GSE1: variants seen among roughly 807,000 people sequenced by gnomAD.
GSE1 encodes genetic suppressor element 1.
Under a neutral mutation model 112.6 loss-of-function variants are expected in GSE1, and 32 were observed. That is an observed-to-expected ratio of 0.28 (90% CI 0.21 to 0.38). The LOEUF is 0.38. Among genes scored for constraint, GSE1 ranks in the 10% least tolerant of loss-of-function variants. The pLI is 1.00. For synonymous variants in GSE1, 1,115 were observed against 735.6 expected, an observed-to-expected ratio of 1.52 and a Z score of -8.35; for missense variants, 2,348 against 1,699.2, an observed-to-expected ratio of 1.38 and a Z score of -6.71.
intron 1 of GSE1, among the ~76,000 whole-genome samples, chr16:85,292,909 T>A (rs911406547): frequency 3.9e-5 from 6 of 152,220 alleles, no homozygotes; most frequent in African/African-American, 1.4e-4. Context: ...AATAGCTGTG[T>A]GTGCACGCAA....
chr16:85,555,433 G>A, upstream of GSE1: 3 of 982,256 alleles, frequency 3.1e-6, no homozygotes, highest in Non-Finnish European at 3.6e-6. Flanking sequence ...GGGGAGGGGA[G>A]CCGGCTCCCC....
At chr16:85,635,494 A>C (rs2049917768) in intron 2 of GSE1, among the ~76,000 whole-genome samples, 1 of 143,238 alleles carries the variant, frequency 7.0e-6, no homozygotes, top group Non-Finnish European at 1.6e-5. Flanking sequence ...TGCCTGGTGG[A>C]GGCATCCTGG....
At chr16:85,415,811 G>A (rs896659475) in intron 2 of GSE1, among the ~76,000 whole-genome samples, 2 of 152,206 alleles carry the variant, frequency 1.3e-5, no homozygotes, top group Non-Finnish European at 2.9e-5. Context: ...CCCGCTAGAA[G>A]GATTGTAGGC....
intron 2 of GSE1, among the ~76,000 whole-genome samples, chr16:85,530,382 T>C (rs1031113345): frequency 4.6e-5 from 7 of 152,224 alleles, no homozygotes; most frequent in African/African-American, 1.7e-4. Context: ...AGCTGAACTT[T>C]ACTCTCCATC....
intron 1 of GSE1, among the ~76,000 whole-genome samples, chr16:85,176,085 C>T (rs2074458185): frequency 6.6e-6 from 1 of 152,144 alleles, no homozygotes. Context: ...CCCTCCTGAG[C>T]TCAAGCAAAC....
intron 2 of GSE1, among the ~76,000 whole-genome samples, chr16:85,639,247 C>T (rs984874722): frequency 6.6e-6 from 1 of 152,230 alleles, no homozygotes; most frequent in Admixed American, 6.5e-5. Flanking sequence ...CCCGCTGTAG[C>T]CCAGACTCCT....
chr16:85,265,291 A>C lies in GSE1; in HGVS notation c.2284-92172A>C, dbSNP rs146669754. Among the ~76,000 whole-genome samples, 40 of 152,304 alleles carry C rather than the reference A, an allele frequency of 2.6e-4. No individual in the cohort carries two copies. The East Asian group carries it at 7.3e-3, about 28-fold the overall frequency. Reference sequence around the variant, plus strand: ...TCACCAATCCTGACTGCCTGCCTGCAAGCCAGTTTCATAAACGGAACAGAA... The same window carrying C: ...TCACCAATCCTGACTGCCTGCCTGCCAGCCAGTTTCATAAACGGAACAGAA... On this transcript the variant is annotated intron_variant, in intron 1 of 2. Coordinates refer to the GSE1 transcript ENST00000637419.
At chr16:85,524,776 C>T (rs910506481) in intron 2 of GSE1, among the ~76,000 whole-genome samples, 3 of 152,112 alleles carry the variant, frequency 2.0e-5, no homozygotes, top group Non-Finnish European at 4.4e-5. Flanking sequence ...CATCACATCC[C>T]GTATGGGTGG....
chr16:85,446,045 G>C (rs1305266594), intron 2 of GSE1, among the ~76,000 whole-genome samples: 5 of 152,232 alleles, frequency 3.3e-5, no homozygotes, highest in African/African-American at 7.2e-5. Flanking sequence ...TGCACACACA[G>C]TGAGCGTTCT....
At chr16:85,446,044 A>G (rs2049503068) in intron 2 of GSE1, among the ~76,000 whole-genome samples, 2 of 152,202 alleles carry the variant, frequency 1.3e-5, no homozygotes, top group Admixed American at 6.5e-5. Context: ...GTGCACACAC[A>G]GTGAGCGTTC....
intron 1 of GSE1, among the ~76,000 whole-genome samples, chr16:85,259,952 G>A (rs573077286): frequency 2.0e-5 from 3 of 152,376 alleles, no homozygotes; most frequent in Admixed American, 2.0e-4. Context: ...AGCACACAGA[G>A]GCGGGGCCCG....
rs1352279565 is a variant in GSE1 at position 85,617,592 on chromosome 16, ACCCTCCCC to A, written c.7+4198_7+4205del. Among the ~76,000 whole-genome samples the A allele has an allele frequency of 3.6e-3, 290 of 80,058 alleles. 12 individuals are homozygous for A. Among genetic ancestry groups the A allele is most frequent in the African/African-American group, 0.013 (286 of 22,032 alleles). The allele number at this position is 80,058 out of a possible 152,430, so 52.5% of individuals were successfully genotyped here. ...ATGCAGCCTGGGCATCCGTGTGTCA[ACCCTCCCC>A]CCCCCCCCCCCGTTAACTGCCACGT... On this transcript the variant is annotated intron_variant, in intron 1 of 15. Transcript: ENST00000253458.
chr16:85,202,024 G>C (rs1301811304), intron 1 of GSE1, among the ~76,000 whole-genome samples: 1 of 152,226 alleles, frequency 6.6e-6, no homozygotes, highest in Non-Finnish European at 1.5e-5. Context: ...TTGATGAAAA[G>C]GAAAACTTGA....
intron 1 of GSE1, among the ~76,000 whole-genome samples, chr16:85,206,854 GC>G (rs934669869): frequency 3.4e-5 from 2 of 58,182 alleles, no homozygotes; most frequent in African/African-American, 1.3e-4. Flanking sequence ...CCCTCCACAA[GC>G]CCCCCCAGCC....
At position 85,666,315 on chromosome 16, in the gene GSE1, A is replaced by G; in HGVS notation, c.3098A>G (p.Gln1033Arg). The G allele has an allele frequency of 6.2e-7, 1 of 1,613,878 alleles. No individual in the cohort carries two copies. The highest frequency in any genetic ancestry group is 8.5e-7 in the Non-Finnish European group (1 of 1,180,026). The change falls in exon 13 of 16, where the codon CAG becomes CGG. Residue 1033 changes from glutamine (Q) to arginine (R), a missense_variant. By Grantham distance (43) the Gln-to-Arg change is conservative. Transcript: ENST00000253458. ...FAHQFHESVL[Q>R]STQKALQKHK... The stretch of plus-strand genomic sequence containing the variant: ...CATCAGTTCCACGAGTCAGTGCTGC[A>G]GTCCACCCAGAAGGCCCTGCAGAAG...
chr16:85,482,163 G>A (rs1567524043), intron 2 of GSE1, among the ~76,000 whole-genome samples: 2 of 152,234 alleles, frequency 1.3e-5, no homozygotes, highest in African/African-American at 4.8e-5. Flanking sequence ...GTGTCTCCAG[G>A]TGATGCCCAG....
At position 85,223,562 on chromosome 16, in the gene GSE1, A is replaced by T. The variant is rs1046191938; in HGVS notation, c.2283+51755A>T. ...AAAAAATTGTGGTAAGATACACGTGACATAAAATTTGCCACTGTAACCATT... is the reference window on the plus strand; with the variant it reads ...AAAAAATTGTGGTAAGATACACGTGTCATAAAATTTGCCACTGTAACCATT... On this transcript the variant is annotated intron_variant, in intron 1 of 2. Transcript: ENST00000637419. Among the ~76,000 whole-genome samples the T allele has an allele frequency of 6.6e-5, 10 of 152,206 alleles. No individual in the cohort carries two copies. In the East Asian group the frequency reaches 9.7e-4, roughly 15 times the overall value.
chr16:85,537,240 A>G (rs758567503), intron 2 of GSE1, among the ~76,000 whole-genome samples: 1 of 152,222 alleles, frequency 6.6e-6, no homozygotes, highest in South Asian at 2.1e-4. Context: ...GGCTGTCCCC[A>G]TGACAACAGA....
At chr16:85,199,419 G>A (rs564637536) in intron 1 of GSE1, among the ~76,000 whole-genome samples, 3 of 152,286 alleles carry the variant, frequency 2.0e-5, no homozygotes, top group South Asian at 2.1e-4. Flanking sequence ...TGGGACTCAC[G>A]GGGCCGAGTC....
Sources: allele counts gnomAD v4.1 joint callset (sites outside exome capture counted in the v4.1 genomes callset), GRCh38; gene constraint gnomAD v4.1.1; transcripts MANE v1.5; gene names NCBI Gene and HGNC (gene_info 2026-07-23, HGNC 2026-07-21).